Variants in MALRD1 observed in about 807,000 individuals in gnomAD.
MALRD1 encodes MAM and LDL receptor class A domain containing 1.
In MALRD1, 247 loss-of-function variants were observed where a neutral mutation model predicts 242.1. That is an observed-to-expected ratio of 1.02 (90% CI 0.92 to 1.13). The LOEUF is 1.13. Ranked by LOEUF, MALRD1 falls within the 50% of genes most tolerant of loss-of-function variation. The pLI, the probability that MALRD1 is intolerant of heterozygous loss-of-function variation, is 0.00. For synonymous variants in MALRD1, 995 were observed against 866.6 expected, an observed-to-expected ratio of 1.15 and a Z score of -2.60; for missense variants, 2,989 against 2,533.1, an observed-to-expected ratio of 1.18 and a Z score of -3.86.
At chr10:19,285,771 T>A (rs1280311393) in intron 21 of MALRD1, among the ~76,000 whole-genome samples, 1 of 117,846 alleles carries the variant, frequency 8.5e-6, no homozygotes, top group African/African-American at 3.4e-5. Context: ...TTAAAGTAGT[T>A]TTTTCCAATT....
intron 29 of MALRD1, among the ~76,000 whole-genome samples, chr10:19,470,714 C>A (rs149680093): frequency 2.8e-4 from 42 of 151,814 alleles, no homozygotes; most frequent in African/African-American, 9.9e-4. Context: ...ACCTGTTGTC[C>A]ATTTGTTATG....
chr10:19,163,810 G>GA (rs1421151333), intron 12 of MALRD1, among the ~76,000 whole-genome samples: 1 of 152,126 alleles, frequency 6.6e-6, no homozygotes, highest in Non-Finnish European at 1.5e-5. Flanking sequence ...AAATTCTATA[G>GA]AAAAAGTAAG....
rs183720930 is a variant in MALRD1 at position 19,074,506 on chromosome 10, T to C, written c.340+7647T>C. ...AGTCACTCAACAATCTTGACATCTT[T>C]TGTGTATTGGATAATATATTTGTTC... On this transcript the variant is annotated intron_variant, in intron 2 of 39. Transcript: ENST00000454679. Among the ~76,000 whole-genome samples, 70 of 152,246 alleles carry C rather than the reference T, an allele frequency of 4.6e-4. 2 individuals are homozygous for C. Among genetic ancestry groups the C allele is most frequent in the Admixed American group, 4.1e-3 (62 of 15,254 alleles).
At chr10:19,598,768 A>G (rs961902261) in intron 34 of MALRD1, among the ~76,000 whole-genome samples, 1 of 151,608 alleles carries the variant, frequency 6.6e-6, no homozygotes, top group Non-Finnish European at 1.5e-5. Context: ...AAGAGAGAGG[A>G]TAGAGATAAA....
At chr10:19,672,409 A>G (rs1841963165) in intron 36 of MALRD1, among the ~76,000 whole-genome samples, 2 of 139,858 alleles carry the variant, frequency 1.4e-5, no homozygotes, top group South Asian at 4.4e-4. Context: ...AGAGATATAT[A>G]GCTTTTTTTT....
Position 19,647,378 on chromosome 10 carries a change from G to A in MALRD1, c.6137+31455G>A, listed in dbSNP as rs375786035. 5.8e-4 allele frequency among the ~76,000 whole-genome samples: 89 copies of A among 152,272 alleles called. 2 individuals carry two copies. The highest frequency in any genetic ancestry group is 2.0e-3 in the African/African-American group (84 of 41,540). Reference sequence around the variant, plus strand: ...CCTGTTAGAGGGAAACCAAGGTAGAGGAGCTTACCACGCCCAGTCTCCTTG... The same window carrying A: ...CCTGTTAGAGGGAAACCAAGGTAGAAGAGCTTACCACGCCCAGTCTCCTTG... On this transcript the variant is annotated intron_variant, in intron 36 of 39. Transcript: ENST00000454679.
chr10:19,317,083 A>T (rs1480886130), intron 21 of MALRD1, among the ~76,000 whole-genome samples: 1 of 151,512 alleles, frequency 6.6e-6, no homozygotes, highest in Non-Finnish European at 1.5e-5. Flanking sequence ...AAATTTTTTT[A>T]AAGAATGCTA....
chr10:19,321,225 T>C (rs914924612), intron 21 of MALRD1, among the ~76,000 whole-genome samples: 5 of 152,156 alleles, frequency 3.3e-5, no homozygotes, highest in Non-Finnish European at 7.4e-5. Context: ...GCTATTCCTG[T>C]CTTCTTGTAT....
intron 18 of MALRD1, among the ~76,000 whole-genome samples, chr10:19,223,506 T>C (rs1183628217): frequency 6.6e-6 from 1 of 152,170 alleles, no homozygotes; most frequent in African/African-American, 2.4e-5. Flanking sequence ...ATTTTTACCA[T>C]TTTCAATTTA....
intron 36 of MALRD1, among the ~76,000 whole-genome samples, chr10:19,628,228 C>A (rs1204905751): frequency 6.6e-6 from 1 of 152,038 alleles, no homozygotes; most frequent in Non-Finnish European, 1.5e-5. Flanking sequence ...GAGAAAAATA[C>A]AACTTTTGGA....
At chr10:19,425,101 G>C (rs1833857557) in intron 28 of MALRD1, among the ~76,000 whole-genome samples, 1 of 151,964 alleles carries the variant, frequency 6.6e-6, no homozygotes, top group East Asian at 1.9e-4. Flanking sequence ...AGTGCTTGGG[G>C]GCCATTTTTT....
At chr10:19,536,287 A>G (rs1037248162) in intron 32 of MALRD1, among the ~76,000 whole-genome samples, 1 of 151,824 alleles carries the variant, frequency 6.6e-6, no homozygotes, top group South Asian at 2.1e-4. Context: ...GCTTCCCGCA[A>G]TTAGGCCATG....
At chr10:19,428,417 C>T (rs944283723) in intron 28 of MALRD1, among the ~76,000 whole-genome samples, 6 of 152,030 alleles carry the variant, frequency 3.9e-5, no homozygotes, top group Non-Finnish European at 7.4e-5. Context: ...TCCCTGAATA[C>T]GATCTTCTGC....
intron 21 of MALRD1, among the ~76,000 whole-genome samples, chr10:19,289,997 A>G (rs1841330158): frequency 2.0e-5 from 3 of 152,160 alleles, no homozygotes; most frequent in African/African-American, 7.2e-5. Context: ...ATATTTCAAA[A>G]TATTCTCTCG....
At chr10:19,393,714 C>T (rs1846448221) in intron 28 of MALRD1, among the ~76,000 whole-genome samples, 1 of 151,808 alleles carries the variant, frequency 6.6e-6, no homozygotes, top group Non-Finnish European at 1.5e-5. Context: ...CCTTGGCCTC[C>T]CAAAGTGCTG....
chr10:19,584,693 T>C (rs1481543820), intron 33 of MALRD1, among the ~76,000 whole-genome samples: 1 of 151,912 alleles, frequency 6.6e-6, no homozygotes, highest in East Asian at 1.9e-4. Context: ...GAAAAAAATG[T>C]ATATTCTGTT....
chr10:19,106,431 G>A (rs1836465717), intron 5 of MALRD1, among the ~76,000 whole-genome samples: 1 of 151,522 alleles, frequency 6.6e-6, no homozygotes, highest in Non-Finnish European at 1.5e-5. Flanking sequence ...TCCAGTTTAT[G>A]GTTGTTCATA....
chr10:19,440,493 C>T (rs972901851), intron 28 of MALRD1, among the ~76,000 whole-genome samples: 2 of 152,058 alleles, frequency 1.3e-5, no homozygotes, highest in African/African-American at 4.8e-5. Flanking sequence ...ATCCCTCCCC[C>T]CGCAACAACC....
At chr10:19,416,016 A>G (rs893182539) in intron 28 of MALRD1, among the ~76,000 whole-genome samples, 11 of 152,240 alleles carry the variant, frequency 7.2e-5, no homozygotes, top group Admixed American at 5.9e-4. Flanking sequence ...CTGTGGCTAT[A>G]AACAAACTGC....
Sources: gnomAD v4.1 joint callset for allele counts (sites outside exome capture counted in the v4.1 genomes callset) on GRCh38, gnomAD v4.1.1 for gene constraint, MANE v1.5 for transcripts, NCBI Gene and HGNC (gene_info 2026-07-23, HGNC 2026-07-21) for gene names.